Variants in AGAP1 observed in about 807,000 individuals in gnomAD.
AGAP1 encodes the protein ArfGAP with GTPase domain, ankyrin repeat and PH domain 1.
In AGAP1, 29 loss-of-function variants were observed where a neutral mutation model predicts 105.3. The ratio of observed to expected loss-of-function variants is 0.28; its 90% CI spans 0.21 to 0.38. The LOEUF is 0.38. AGAP1 is among the 10% of genes least tolerant of loss of function. AGAP1 has a pLI of 1.00. For synonymous variants in AGAP1, 509 were observed against 485.9 expected, an observed-to-expected ratio of 1.05 and a Z score of -0.63; for missense variants, 998 against 1,165.1, an observed-to-expected ratio of 0.86 and a Z score of 2.09.
At chr2:235,743,134 T>C (rs1452809587) in intron 4 of AGAP1, among the ~76,000 whole-genome samples, 2 of 152,222 alleles carry the variant, frequency 1.3e-5, no homozygotes, top group Admixed American at 6.5e-5. Context: ...ACCACTGCAC[T>C]CCAGCCTGGG....
chr2:235,516,578 C>T (rs955763414), intron 1 of AGAP1, among the ~76,000 whole-genome samples: 7 of 152,166 alleles, frequency 4.6e-5, no homozygotes, highest in Admixed American at 1.3e-4. Context: ...GCAGCCTGAG[C>T]GTAGTTCATG....
rs1193940143 is a variant in AGAP1 at position 236,000,475 on chromosome 2, C to T, written c.1645+31852C>T. 6.6e-6 allele frequency among the ~76,000 whole-genome samples: 1 copy of T among 152,184 alleles called. No individual in the cohort carries two copies. The highest frequency in any genetic ancestry group is 1.5e-5 in the Non-Finnish European group (1 of 68,028). On this transcript the variant is annotated intron_variant, in intron 13 of 17. Coordinates refer to ENST00000304032, the MANE Select transcript of AGAP1 (RefSeq NM_001037131.3). This position sits in a 1 kb window ranked among gnomAD's most constrained non-coding sequence, Gnocchi z 4.3. ...TCAGAGACAGTGGTACTGCGTCCCC[C>T]TCCTCCAGTCCAGTCCCCCACCCTG...
chr2:235,836,028 C>T (rs1960114431), intron 9 of AGAP1, among the ~76,000 whole-genome samples: 1 of 152,186 alleles, frequency 6.6e-6, no homozygotes, highest in Non-Finnish European at 1.5e-5. Flanking sequence ...CCTGCTGAAA[C>T]TCTAACAGCA....
At position 235,961,476 on chromosome 2, in the gene AGAP1, G is replaced by T. The variant is rs748654507; in HGVS notation, c.1484-6986G>T. ...GCAAGGACACACCAGTGGTTGGTGG[G>T]ATGTGAGCGGGACTGGAGTGAGGCC... On this transcript the variant is annotated intron_variant, in intron 12 of 17. Transcript: ENST00000304032. The surrounding 1 kb of genome is among the most constrained non-coding windows in gnomAD (Gnocchi z 5.9). Among the ~76,000 whole-genome samples the T allele has an allele frequency of 2.6e-4, 39 of 152,356 alleles. No homozygotes were observed. Among genetic ancestry groups the T allele is most frequent in the Non-Finnish European group, 1.9e-4 (13 of 68,038 alleles).
intron 6 of AGAP1, among the ~76,000 whole-genome samples, chr2:235,762,137 A>T (rs1954499246): frequency 6.6e-6 from 1 of 151,464 alleles, no homozygotes. Context: ...AAAATTGCAG[A>T]GAATATGGAC....
intron 1 of AGAP1, among the ~76,000 whole-genome samples, chr2:235,707,961 C>T (rs533319047): frequency 2.0e-5 from 3 of 152,254 alleles, no homozygotes; most frequent in South Asian, 2.1e-4. Flanking sequence ...GGACGTGCTC[C>T]CCATCGTGTG....
At chr2:235,726,717 G>A (rs966499648) in intron 3 of AGAP1, among the ~76,000 whole-genome samples, 3 of 152,204 alleles carry the variant, frequency 2.0e-5, no homozygotes, top group African/African-American at 4.8e-5. Context: ...TGGAAGCCCC[G>A]GGGCCATGCT....
At chr2:235,749,720 C>A (rs1193018024) in intron 5 of AGAP1, among the ~76,000 whole-genome samples, 8 of 152,214 alleles carry the variant, frequency 5.3e-5, no homozygotes, top group Non-Finnish European at 1.2e-4. Flanking sequence ...GTCACCCAAG[C>A]CTCCTGACCT....
At chr2:235,715,836 C>T (rs944585375) in intron 2 of AGAP1, among the ~76,000 whole-genome samples, 5 of 152,112 alleles carry the variant, frequency 3.3e-5, no homozygotes, top group African/African-American at 4.8e-5. Flanking sequence ...CTTCCAGCCA[C>T]TGGGAGTCGG....
At position 235,740,301 on chromosome 2, in the gene AGAP1, C is replaced by T. The variant is rs12998309; in HGVS notation, c.311-662C>T. Among the ~76,000 whole-genome samples, 12 of 152,074 alleles carry T rather than the reference C, an allele frequency of 7.9e-5. No individual in the cohort carries two copies. Among genetic ancestry groups the T allele is most frequent in the African/African-American group, 2.7e-4 (11 of 41,412 alleles). On this transcript the variant is annotated intron_variant, in intron 3 of 17. Coordinates refer to ENST00000304032, the MANE Select transcript of AGAP1 (RefSeq NM_001037131.3). The surrounding 1 kb of genome is among the most constrained non-coding windows in gnomAD (Gnocchi z 5.7). ...CCCCCTCCTCATGGTCACCTCTGTT[C>T]CTGCAGGGTCCCGGTGGTCTCCCGC...
intron 1 of AGAP1, among the ~76,000 whole-genome samples, chr2:235,533,271 ACTTT>A (rs1943103841): frequency 2.6e-5 from 4 of 152,224 alleles, no homozygotes; most frequent in Admixed American, 2.6e-4. Flanking sequence ...AGAGGTTTTG[ACTTT>A]CTTTTTTAAA....
intron 1 of AGAP1, among the ~76,000 whole-genome samples, chr2:235,583,675 G>A (rs1252020225): frequency 1.3e-5 from 2 of 150,704 alleles, no homozygotes; most frequent in Non-Finnish European, 3.0e-5. Context: ...CCAGGAGTTC[G>A]AGACCAGTCT....
chr2:235,921,273 A>G (rs996672114), intron 11 of AGAP1, among the ~76,000 whole-genome samples: 10 of 152,368 alleles, frequency 6.6e-5, no homozygotes, highest in South Asian at 2.1e-4. Flanking sequence ...TGAAGATTAC[A>G]TAACAACATG....
intron 12 of AGAP1, among the ~76,000 whole-genome samples, chr2:235,933,844 A>G (rs939046665): frequency 1.3e-5 from 2 of 152,190 alleles, no homozygotes; most frequent in African/African-American, 4.8e-5. Context: ...CTAAGGATTA[A>G]TAGTATGTCA....
intron 1 of AGAP1, among the ~76,000 whole-genome samples, chr2:235,683,054 C>G (rs1364533579): frequency 1.3e-5 from 2 of 152,094 alleles, no homozygotes; most frequent in Admixed American, 6.5e-5. Context: ...TTCCTGTAAT[C>G]CCAGCACTTT....
chr2:235,640,147 A>G (rs1205212383), intron 1 of AGAP1, among the ~76,000 whole-genome samples: 1 of 152,212 alleles, frequency 6.6e-6, no homozygotes, highest in Non-Finnish European at 1.5e-5. Context: ...AGTTGCTCTT[A>G]GTCAGAAACT....
At chr2:235,766,637 C>G (rs1381598476) in intron 6 of AGAP1, among the ~76,000 whole-genome samples, 2 of 152,196 alleles carry the variant, frequency 1.3e-5, no homozygotes, top group African/African-American at 4.8e-5. Context: ...ATGTTATATT[C>G]TGTGGTTAAA....
At position 235,805,322 on chromosome 2, in the gene AGAP1, T is replaced by C. The variant is rs142177171; in HGVS notation, c.958-1917T>C. On this transcript the variant is annotated intron_variant, in intron 8 of 17. Coordinates refer to ENST00000304032, the MANE Select transcript of AGAP1 (RefSeq NM_001037131.3). ...TTCTAAGGTGTTTACAGCAGGGCAATGAGCTATTTCTTCCCATTTCAAGTG... is the reference window on the plus strand; with the variant it reads ...TTCTAAGGTGTTTACAGCAGGGCAACGAGCTATTTCTTCCCATTTCAAGTG... Among the ~76,000 whole-genome samples, 430 of 152,330 alleles carry C rather than the reference T, an allele frequency of 2.8e-3. 2 individuals are homozygous for C. Among genetic ancestry groups the C allele is most frequent in the East Asian group, 0.02 (103 of 5,188 alleles).
chr2:235,759,487 G>A (rs530264604), intron 6 of AGAP1, among the ~76,000 whole-genome samples: 10 of 152,312 alleles, frequency 6.6e-5, no homozygotes, highest in Admixed American at 5.9e-4. Context: ...TTCACATGTA[G>A]GGCCATCCAG....
Sources: gnomAD v4.1 joint callset for allele counts (sites outside exome capture counted in the v4.1 genomes callset) on GRCh38, gnomAD v4.1.1 for gene constraint, Gnocchi (gnomAD v3.1) non-coding constraint, MANE v1.5 for transcripts, NCBI Gene and HGNC (gene_info 2026-07-23, HGNC 2026-07-21) for gene names.